The following MTR variants were observed in gnomAD, a reference collection of about 807,000 sequenced individuals.
The protein encoded by MTR is methionine synthase.
A neutral mutation model predicts 154.8 loss-of-function variants in MTR; 84 were observed. The observed-to-expected ratio is 0.54, with a 90% confidence interval of 0.45 to 0.65. MTR has a LOEUF of 0.65. Among genes scored for constraint, MTR ranks in the 30% least tolerant of loss-of-function variants. The pLI, the probability that MTR is intolerant of heterozygous loss-of-function variation, is 0.00. For synonymous variants in MTR, 554 were observed against 553.9 expected, an observed-to-expected ratio of 1.00 and a Z score of 0.00; for missense variants, 1,275 against 1,570.2, an observed-to-expected ratio of 0.81 and a Z score of 3.18.
In MTR at chr1:236,891,163, C is replaced by T; in HGVS notation, c.3038C>T (p.Ala1013Val). 1.2e-6 allele frequency: 2 copies of T among 1,614,120 alleles called. No individual in the cohort carries two copies. Among genetic ancestry groups the T allele is most frequent in the South Asian group, 1.1e-5 (1 of 91,086 alleles). ...GAGGCCAGGAAGGTCTACGATGATG[C>T]CCACAATATGCTGAACACACTGATT... ...GGEARKVYDD[A>V]HNMLNTLISQ... Residue 1013 changes from alanine (A) to valine (V), a missense_variant, in exon 29 of 33, where the codon GCC (alanine) becomes GTC (valine). Physicochemically the swap from Ala to Val is moderately conservative, Grantham distance 64. Coordinates refer to ENST00000366577, the MANE Select transcript of MTR (RefSeq NM_000254.3).
chr1:236,874,635 G>T, intron 23 of MTR, 91 bp from the exon 24 acceptor site: 2 of 1,122,368 alleles, frequency 1.8e-6, no homozygotes, highest in Non-Finnish European at 2.5e-6. Flanking sequence ...TCATTACAAA[G>T]TTTTTTAAAT....
rs1007770916 is a variant in MTR, at chr1:236,832,162, A to G, written c.1188+84A>G. 5.5e-6 allele frequency: 6 copies of G among 1,081,228 alleles called. No individual in the cohort carries two copies. The African/African-American group carries it at 7.7e-5, about 14-fold the overall frequency. The allele number at this position is 1,081,228 out of a possible 1,614,324, so 67.0% of individuals were successfully genotyped here. On this transcript the variant is annotated intron_variant, in intron 13 of 32. Transcript: ENST00000366577. ...TAAATGAAACAGCTCTCTGCCTTTG[A>G]TAGTGTTATTAGCAGAGCTGCTAGA...
At chr1:236,864,349 A>C (rs1263861934) in intron 22 of MTR, among the ~76,000 whole-genome samples, 1 of 152,180 alleles carries the variant, frequency 6.6e-6, no homozygotes, top group African/African-American at 2.4e-5. Flanking sequence ...GCTGTCAAGT[A>C]ACAATTACCT....
intron 18 of MTR, among the ~76,000 whole-genome samples, chr1:236,855,986 TTC>T (rs1476130660): frequency 6.6e-6 from 1 of 152,230 alleles, no homozygotes; most frequent in Non-Finnish European, 1.5e-5. Flanking sequence ...AAGTATTGCT[TTC>T]ATGAGTCAAA....
At chr1:236,854,655 T>C (rs975433558) in intron 18 of MTR, among the ~76,000 whole-genome samples, 1 of 152,222 alleles carries the variant, frequency 6.6e-6, no homozygotes, top group African/African-American at 2.4e-5. Flanking sequence ...CATGAAATGC[T>C]GTGTTTTTAT....
chr1:236,868,870 C>T (rs1271481), intron 22 of MTR, among the ~76,000 whole-genome samples: 1 of 152,194 alleles, frequency 6.6e-6, no homozygotes, highest in African/African-American at 2.4e-5. Flanking sequence ...AATGCAGTCT[C>T]TCCTGAGAAC....
chr1:236,895,178 G>A, intron 30 of MTR, 180 bp from the exon 31 acceptor site: 1 of 721,842 alleles, frequency 1.4e-6, no homozygotes, highest in Non-Finnish European at 2.4e-6. Flanking sequence ...CTGCAGAGCA[G>A]CAGCTGATGA....
intron 21 of MTR, among the ~76,000 whole-genome samples, chr1:236,862,988 G>T (rs1234749262): frequency 6.6e-6 from 1 of 152,048 alleles, no homozygotes; most frequent in East Asian, 1.9e-4. Flanking sequence ...CAGTAGTGGG[G>T]GATGCTAACT....
chr1:236,852,470 C>T lies in MTR; in HGVS notation c.1696-51C>T, dbSNP rs374738698. 5.3e-6 allele frequency: 7 copies of T among 1,330,750 alleles called. No individual in the cohort carries two copies. The Admixed American group carries it at 6.7e-5, about 13-fold the overall frequency. The allele number at this position is 1,330,750 out of a possible 1,614,324, so 82.4% of individuals were successfully genotyped here. On this transcript the variant is annotated intron_variant, in intron 16 of 32. Coordinates refer to ENST00000366577, the MANE Select transcript of MTR (RefSeq NM_000254.3). ...ATATAAAGCTTAAGAGATGTGATTGCTGTTTTTGGCAAAAAAGGGGAATCT... is the reference window on the plus strand; with the variant it reads ...ATATAAAGCTTAAGAGATGTGATTGTTGTTTTTGGCAAAAAAGGGGAATCT...
At chr1:236,874,910 G>A (rs184305856) in intron 24 of MTR, 64 bp downstream of exon 24, 10 of 1,555,882 alleles carry the variant, frequency 6.4e-6, no homozygotes, top group Middle Eastern at 1.7e-4. Flanking sequence ...GTTTGAAACA[G>A]TGGGAAACCT....
At position 236,846,607 on chromosome 1, in the gene MTR, T is replaced by A. The variant is rs563915791; in HGVS notation, c.1516-3737T>A. Reference sequence around the variant, plus strand: ...GGTATCTTGCCAGTGTTTAGATTTGTCATTGAGGAACATGGCGTGTCTTTC... The same window carrying A: ...GGTATCTTGCCAGTGTTTAGATTTGACATTGAGGAACATGGCGTGTCTTTC... On this transcript the variant is annotated intron_variant, in intron 15 of 32. Coordinates refer to ENST00000366577, the MANE Select transcript of MTR (RefSeq NM_000254.3). Among the ~76,000 whole-genome samples the A allele has an allele frequency of 2.6e-5, 4 of 152,344 alleles. No homozygotes were observed. In the East Asian group the frequency reaches 5.8e-4, roughly 22 times the overall value.
intron 31 of MTR, among the ~76,000 whole-genome samples, 186 bp from the exon 32 acceptor site, chr1:236,896,820 T>C (rs1030306486): frequency 6.6e-6 from 1 of 152,208 alleles, no homozygotes; most frequent in African/African-American, 2.4e-5. Flanking sequence ...AATTTGTTTC[T>C]TCACCTGGCA....
intron 15 of MTR, among the ~76,000 whole-genome samples, chr1:236,843,153 A>G (rs1457477447): frequency 6.6e-6 from 1 of 151,286 alleles, no homozygotes; most frequent in Non-Finnish European, 1.5e-5. Flanking sequence ...CGGTAAAGGG[A>G]AAAGAGGATT....
At chr1:236,895,995 C>T (rs1666604058) in intron 31 of MTR, among the ~76,000 whole-genome samples, 1 of 152,228 alleles carries the variant, frequency 6.6e-6, no homozygotes, top group Admixed American at 6.5e-5. Context: ...CCCTTCAGCC[C>T]TCTTTTCTCT....
At chr1:236,801,750 C>T (rs56209713) in intron 1 of MTR, among the ~76,000 whole-genome samples, 52,683 of 151,976 alleles carry the variant, frequency 0.35, 9,933 homozygotes, top group East Asian at 0.43. Context: ...AATGGGTTGG[C>T]GTCATTATGG....
At chr1:236,799,344 G>A (rs557673696) in intron 1 of MTR, among the ~76,000 whole-genome samples, 28 of 150,860 alleles carry the variant, frequency 1.9e-4, no homozygotes, top group African/African-American at 6.1e-4. Flanking sequence ...GGCTGTTTTC[G>A]AACTCGTGGA....
chr1:236,863,423 G>A (rs775838883), intron 21 of MTR, 31 bp from the exon 22 acceptor site: 2 of 1,590,806 alleles, frequency 1.3e-6, no homozygotes, highest in Non-Finnish European at 1.7e-6. Flanking sequence ...AAACAACCCT[G>A]CCTTGCTGAG....
intron 6 of MTR, among the ~76,000 whole-genome samples, chr1:236,813,561 A>G (rs1661428728): frequency 1.3e-5 from 2 of 152,070 alleles, no homozygotes; most frequent in Non-Finnish European, 2.9e-5. Flanking sequence ...AAACTGTTTG[A>G]CCTTTTCCAG....
intron 8 of MTR, among the ~76,000 whole-genome samples, chr1:236,819,081 T>G (rs1231347606): frequency 6.6e-6 from 1 of 152,232 alleles, no homozygotes; most frequent in Non-Finnish European, 1.5e-5. Context: ...GTGGTACACC[T>G]ATTACAATAT....
Sources: gnomAD v4.1 joint callset for allele counts (sites outside exome capture counted in the v4.1 genomes callset) on GRCh38, gnomAD v4.1.1 for gene constraint, MANE v1.5 for transcripts, NCBI Gene and HGNC (gene_info 2026-07-23, HGNC 2026-07-21) for gene names.